The following KCNQ1 variants were observed in gnomAD, a reference collection of about 807,000 sequenced individuals.
KCNQ1 encodes the protein potassium voltage-gated channel subfamily Q member 1, also known as potassium voltage-gated channel subfamily KQT member 1.
A neutral mutation model predicts 72.4 loss-of-function variants in KCNQ1; 49 were observed. That is an observed-to-expected ratio of 0.68 (90% CI 0.54 to 0.86). KCNQ1 has a LOEUF of 0.86. Among genes scored for constraint, KCNQ1 ranks in the 40% least tolerant of loss-of-function variants. The pLI is 0.00. For synonymous variants in KCNQ1, 450 were observed against 412.6 expected (o/e 1.09, Z -1.10); for missense variants, 790 against 945.1 (o/e 0.84, Z 2.15).
rs1846465519 is a variant in KCNQ1 at position 2,471,712 on chromosome 11, GT to G, written c.386+26229del. On this transcript the variant is annotated intron_variant, in intron 1 of 15. Coordinates refer to ENST00000155840, the MANE Select transcript of KCNQ1 (RefSeq NM_000218.3). The surrounding 1 kb of genome is among the most constrained non-coding windows in gnomAD (Gnocchi z 4.8). ...GGTGTGCATGTGTGTATAGGTGTGT[GT>G]ATGTGTGCATGGGCGTGTGTATGTG... 6.9e-6 allele frequency among the ~76,000 whole-genome samples: 1 copy of G among 144,676 alleles called. No individual in the cohort carries two copies. Among genetic ancestry groups the G allele is most frequent in the Non-Finnish European group, 1.5e-5 (1 of 67,718 alleles). The allele number at this position is 144,676 out of a possible 152,430, so 94.9% of individuals were successfully genotyped here. A position where few individuals can be genotyped will look rare whatever the true frequency, so the allele number is the denominator to read the frequency against.
In KCNQ1 at chr11:2,482,488, A is replaced by C. The variant is rs571836233; in HGVS notation, c.386+37004A>C. Among the ~76,000 whole-genome samples the C allele has an allele frequency of 6.6e-6, 1 of 152,240 alleles. No homozygotes were observed. The highest frequency in any genetic ancestry group is 2.1e-4 in the South Asian group (1 of 4,818). On this transcript the variant is annotated intron_variant, in intron 1 of 15. Coordinates refer to ENST00000155840, the MANE Select transcript of KCNQ1 (RefSeq NM_000218.3). The surrounding 1 kb of genome is among the most constrained non-coding windows in gnomAD (Gnocchi z 5.7). ...GTACACTCATTTTTGCCTGGAACTCAAGATTATTTCCTTGGGTCACATTTG... is the reference window on the plus strand; with the variant it reads ...GTACACTCATTTTTGCCTGGAACTCCAGATTATTTCCTTGGGTCACATTTG...
At chr11:2,456,786 AAAATT>A (rs1846198021) in intron 1 of KCNQ1, among the ~76,000 whole-genome samples, 1 of 137,730 alleles carries the variant, frequency 7.3e-6, no homozygotes, top group Admixed American at 7.3e-5. Flanking sequence ...AAAAAAAAAA[AAAATT>A]AGCCGGGCGT....
intron 1 of KCNQ1, among the ~76,000 whole-genome samples, chr11:2,519,737 A>G (rs950139539): frequency 4.0e-5 from 6 of 151,896 alleles, no homozygotes; most frequent in African/African-American, 1.5e-4. Flanking sequence ...GATCATAAGT[A>G]ATGTATTAAA....
Position 2,463,471 on chromosome 11 carries a change from T to C in KCNQ1, c.386+17987T>C, listed in dbSNP as rs551362713. 6.6e-6 allele frequency among the ~76,000 whole-genome samples: 1 copy of C among 152,228 alleles called. No individual in the cohort carries two copies. The highest frequency in any genetic ancestry group is 1.9e-4 in the East Asian group (1 of 5,180). Reference sequence around the variant, plus strand: ...CCTTGGTGCAGGTGGCGGGCGGGGCTGGGGGGCTCTGTAGCCTTCCTGGCT... The same window carrying C: ...CCTTGGTGCAGGTGGCGGGCGGGGCCGGGGGGCTCTGTAGCCTTCCTGGCT... On this transcript the variant is annotated intron_variant, in intron 1 of 15. Transcript: ENST00000155840. This position sits in a 1 kb window ranked among gnomAD's most constrained non-coding sequence, Gnocchi z 7.0.
intron 15 of KCNQ1, among the ~76,000 whole-genome samples, chr11:2,804,161 A>G (rs558694577): frequency 3.3e-5 from 5 of 151,978 alleles, no homozygotes; most frequent in Non-Finnish European, 7.4e-5. Flanking sequence ...AGCAATATTC[A>G]CAGGGCCAGA....
intron 15 of KCNQ1, among the ~76,000 whole-genome samples, chr11:2,835,675 G>A (rs1453875129): frequency 6.6e-6 from 1 of 152,198 alleles, no homozygotes; most frequent in Non-Finnish European, 1.5e-5. Flanking sequence ...AGTGGAGCAG[G>A]AGCCTGCAGC....
chr11:2,534,214 C>T (rs1181952568), intron 2 of KCNQ1, among the ~76,000 whole-genome samples: 1 of 152,202 alleles, frequency 6.6e-6, no homozygotes, highest in African/African-American at 2.4e-5. Context: ...GGAACAAGGT[C>T]GGGTCCTGTC....
intron 2 of KCNQ1, among the ~76,000 whole-genome samples, chr11:2,568,817 A>AC (rs946759377): frequency 6.9e-4 from 103 of 149,012 alleles, no homozygotes; most frequent in East Asian, 6.7e-3. Context: ...TGGGACCCAC[A>AC]CCCCCCCCAT....
At chr11:2,640,245 G>C (rs1849552122) in intron 10 of KCNQ1, 1 of 396,978 alleles carries the variant, frequency 2.5e-6, no homozygotes, top group Non-Finnish European at 4.4e-6. Flanking sequence ...GCCCCAGTGA[G>C]ATGAACCCAC....
chr11:2,529,269 C>T (rs914346660), intron 2 of KCNQ1, among the ~76,000 whole-genome samples: 7 of 152,176 alleles, frequency 4.6e-5, no homozygotes, highest in Non-Finnish European at 1.0e-4. Flanking sequence ...TTGGTGGTCC[C>T]GGTACTAAAA....
rs1424022538 is a variant in KCNQ1, at chr11:2,710,659, TG to T, written c.1514+48579del. On this transcript the variant is annotated intron_variant, in intron 11 of 15. Coordinates refer to ENST00000155840, the MANE Select transcript of KCNQ1 (RefSeq NM_000218.3). The surrounding 1 kb of genome is among the most constrained non-coding windows in gnomAD (Gnocchi z 4.1). ...CGCTTTCAGTTAGTTTAACATATGG[TG>T]TGAGGTAGGGGTCTAACTTTATTCT... 6.6e-6 allele frequency among the ~76,000 whole-genome samples: 1 copy of T among 152,196 alleles called. No individual in the cohort carries two copies. The highest frequency in any genetic ancestry group is 2.4e-5 in the African/African-American group (1 of 41,452).
At chr11:2,833,943 C>G (rs977282007) in intron 15 of KCNQ1, among the ~76,000 whole-genome samples, 1 of 152,236 alleles carries the variant, frequency 6.6e-6, no homozygotes, top group African/African-American at 2.4e-5. Context: ...CCTGCTCCCC[C>G]ACCTCCTCAC....
At chr11:2,614,520 T>C (rs1237896898) in intron 10 of KCNQ1, 3 of 398,402 alleles carry the variant, frequency 7.5e-6, no homozygotes, top group African/African-American at 2.1e-5. Flanking sequence ...TTAACTCTTA[T>C]TTTTTGGTCT....
chr11:2,670,659 T>C lies in KCNQ1; in HGVS notation c.1514+8578T>C, dbSNP rs1850167086. The C allele has an allele frequency of 2.5e-6, 1 of 398,326 alleles. No homozygotes were observed. The highest frequency in any genetic ancestry group is 3.6e-5 in the East Asian group (1 of 28,066). The allele number at this position is 398,326 out of a possible 1,614,324, so 24.7% of individuals were successfully genotyped here. On this transcript the variant is annotated intron_variant, in intron 11 of 15. Coordinates refer to ENST00000155840, the MANE Select transcript of KCNQ1 (RefSeq NM_000218.3). This position sits in a 1 kb window ranked among gnomAD's most constrained non-coding sequence, Gnocchi z 4.9. ...CAGAGGCCAGGATGAACCCTGAAGA[T>C]TGGTAGGAAGGCAGTGTAGCAGTAA...
intron 7 of KCNQ1, among the ~76,000 whole-genome samples, chr11:2,584,200 A>C (rs574491753): frequency 6.6e-6 from 1 of 152,288 alleles, no homozygotes; most frequent in East Asian, 1.9e-4. Context: ...TGCATTATAC[A>C]TGTATATCAG....
At chr11:2,837,762 G>C (rs1848106093) in intron 15 of KCNQ1, among the ~76,000 whole-genome samples, 1 of 152,236 alleles carries the variant, frequency 6.6e-6, no homozygotes, top group African/African-American at 2.4e-5. Flanking sequence ...AGGAGGCAGG[G>C]CCAGCCCATG....
intron 11 of KCNQ1, among the ~76,000 whole-genome samples, chr11:2,717,087 C>T (rs148031999): frequency 1.5e-3 from 231 of 152,258 alleles, no homozygotes; most frequent in Middle Eastern, 3.4e-3. Context: ...ATGAAGTGGC[C>T]GGGGCTCTGC....
chr11:2,755,224 G>C (rs1378408158), intron 11 of KCNQ1, among the ~76,000 whole-genome samples: 3 of 152,138 alleles, frequency 2.0e-5, no homozygotes, highest in Non-Finnish European at 1.5e-5. Context: ...AGCCAGGAAA[G>C]AGCCTCCACT....
intron 1 of KCNQ1, among the ~76,000 whole-genome samples, chr11:2,501,038 A>C (rs1403620967): frequency 6.6e-6 from 1 of 152,210 alleles, no homozygotes; most frequent in East Asian, 1.9e-4. Context: ...GATACAGCAA[A>C]AGCAGTATTA....
Sources: allele counts gnomAD v4.1 joint callset (sites outside exome capture counted in the v4.1 genomes callset), GRCh38; gene constraint gnomAD v4.1.1; non-coding constraint Gnocchi (gnomAD v3.1); transcripts MANE v1.5; gene names NCBI Gene and HGNC (gene_info 2026-07-23, HGNC 2026-07-21).